Variants in FRK observed in about 807,000 individuals in gnomAD.
FRK encodes the protein fyn related Src family tyrosine kinase, also known as tyrosine-protein kinase FRK.
A neutral mutation model predicts 56.4 loss-of-function variants in FRK; 51 were observed. That is an observed-to-expected ratio of 0.90 (90% confidence interval 0.72 to 1.14). FRK has a LOEUF of 1.14. FRK is among the 50% of genes most tolerant of loss of function. FRK has a pLI of 0.00. For synonymous variants in FRK, 245 were observed against 217.9 expected (o/e 1.12, Z -1.10); for missense variants, 570 against 601.4 (o/e 0.95, Z 0.55).
At chr6:116,070,893 A>G in the FRK span, among the ~76,000 whole-genome samples, 1 of 152,154 alleles carries the variant, frequency 6.6e-6, no homozygotes, top group Non-Finnish European at 1.5e-5. Context: ...CTCTTGATAC[A>G]TAAGAAGTAT....
chr6:116,022,855 C>T lies in FRK; in HGVS notation c.345-18857G>A, dbSNP rs188850370. Among the ~76,000 whole-genome samples, 369 of 152,242 alleles carry T rather than the reference C, an allele frequency of 2.4e-3. 6 individuals carry two copies. Among genetic ancestry groups the T allele is most frequent in the Non-Finnish European group, 6.5e-4 (44 of 68,002 alleles). On this transcript the variant is annotated intron_variant, in intron 1 of 7. Coordinates refer to ENST00000606080, the MANE Select transcript of FRK (RefSeq NM_002031.3). ...AAGAATGTGACAGAATCTAGAGTAGCTACAACAATGTCCTATATCCAATCA... is the reference window on the plus strand; with the variant it reads ...AAGAATGTGACAGAATCTAGAGTAGTTACAACAATGTCCTATATCCAATCA...
At chr6:116,017,107 A>G (rs911460195) in intron 1 of FRK, among the ~76,000 whole-genome samples, 4 of 152,162 alleles carry the variant, frequency 2.6e-5, no homozygotes, top group African/African-American at 9.7e-5. Context: ...ATACATTACA[A>G]GCTTACTCCT....
the FRK span, among the ~76,000 whole-genome samples, chr6:116,097,986 G>GTT: frequency 2.7e-4 from 39 of 145,182 alleles, no homozygotes; most frequent in African/African-American, 9.6e-4. Context: ...ACCACACAAT[G>GTT]GGGTTTAGAC....
At chr6:116,016,114 C>T (rs1382452724) in intron 1 of FRK, among the ~76,000 whole-genome samples, 2 of 152,126 alleles carry the variant, frequency 1.3e-5, no homozygotes, top group Non-Finnish European at 2.9e-5. Context: ...TGCCAGAGAT[C>T]TTCATGGCAG....
At chr6:115,984,600 A>G (rs182969111) in intron 2 of FRK, among the ~76,000 whole-genome samples, 21 of 152,168 alleles carry the variant, frequency 1.4e-4, no homozygotes, top group East Asian at 7.7e-4. Context: ...TAATGAATCT[A>G]CAGAAGTAAG....
intron 4 of FRK, among the ~76,000 whole-genome samples, chr6:115,958,642 A>G (rs1381654463): frequency 8.7e-4 from 5 of 5,734 alleles, no homozygotes; most frequent in Non-Finnish European, 1.3e-3. Context: ...AAGGAAAGAA[A>G]GAAAAGAAAG....
intron 1 of FRK, among the ~76,000 whole-genome samples, chr6:116,058,511 T>C (rs1200538115): frequency 6.6e-6 from 1 of 152,182 alleles, no homozygotes; most frequent in East Asian, 1.9e-4. Context: ...ATTATTATCT[T>C]ATTCCCTGGA....
intron 1 of FRK, among the ~76,000 whole-genome samples, chr6:116,059,548 T>A (rs983552558): frequency 6.6e-6 from 1 of 152,186 alleles, no homozygotes; most frequent in Non-Finnish European, 1.5e-5. Context: ...TACCCTGGAA[T>A]GTTTCAAAAG....
intron 1 of FRK, among the ~76,000 whole-genome samples, chr6:116,030,557 G>C (rs1006251389): frequency 1.3e-5 from 2 of 151,984 alleles, no homozygotes; most frequent in Non-Finnish European, 2.9e-5. Context: ...CCATGAGGAG[G>C]GAAGAGCTGG....
At chr6:115,999,466 C>G (rs887196784) in intron 2 of FRK, among the ~76,000 whole-genome samples, 1 of 152,184 alleles carries the variant, frequency 6.6e-6, no homozygotes, top group Non-Finnish European at 1.5e-5. Context: ...TTAGCACCCA[C>G]CCAACCTTGG....
At chr6:115,994,016 G>A (rs1447376605) in intron 2 of FRK, among the ~76,000 whole-genome samples, 2 of 151,960 alleles carry the variant, frequency 1.3e-5, no homozygotes, top group East Asian at 1.9e-4. Context: ...CTATCTTCAC[G>A]TTATTGTCAT....
Position 115,968,747 on chromosome 6 carries a change from C to T in FRK, c.467-8G>A. ...CAACTGCTCCATCTAAAACTGGAAC[C>T]CAAAATAATTCCTGTTAATAAACTT... On this transcript the variant is annotated splice_region_variant and splice_polypyrimidine_tract_variant and intron_variant, in intron 2 of 7. Coordinates refer to ENST00000606080, the MANE Select transcript of FRK (RefSeq NM_002031.3). 1 of 1,606,950 alleles carries T rather than the reference C, an allele frequency of 6.2e-7. No homozygotes were observed.
In FRK at chr6:115,935,914, C is replaced by G. The variant is rs1772035599; in HGVS notation, c.*6500G>C. On this transcript the variant is annotated 3_prime_UTR_variant, in exon 8 of 8. Coordinates refer to ENST00000606080, the MANE Select transcript of FRK (RefSeq NM_002031.3). ...TGGGAAGGGGTGGATATGGGAGCAG[C>G]TTCAGCAGACTTAAATATCTCTGCC... 6.6e-6 allele frequency: 1 copy of G among 152,336 alleles called. No homozygotes were observed. The highest frequency in any genetic ancestry group is 6.5e-5 in the Admixed American group (1 of 15,280). The allele number at this position is 152,336 out of a possible 1,614,324, so 9.4% of individuals were successfully genotyped here. A position where few individuals can be genotyped will look rare whatever the true frequency, so the allele number is the denominator to read the frequency against.
intron 5 of FRK, among the ~76,000 whole-genome samples, chr6:115,947,668 C>T (rs971519563): frequency 2.0e-5 from 3 of 152,124 alleles, no homozygotes; most frequent in Admixed American, 2.0e-4. Context: ...AGCCACCTAG[C>T]AGAGCAGTCT....
chr6:115,999,842 C>G (rs1774987284), intron 2 of FRK, among the ~76,000 whole-genome samples: 1 of 152,158 alleles, frequency 6.6e-6, no homozygotes, highest in Non-Finnish European at 1.5e-5. Flanking sequence ...ATAGCCTTCC[C>G]TCTGGCTAAT....
chr6:115,931,861 G>C lies in FRK; in HGVS notation c.*10553C>G, dbSNP rs1039609521. The C allele has an allele frequency of 1.3e-5, 2 of 152,184 alleles. No homozygotes were observed. The highest frequency in any genetic ancestry group is 3.9e-4 in the East Asian group (2 of 5,190). The allele number at this position is 152,184 out of a possible 1,614,324, so 9.4% of individuals were successfully genotyped here. ...CACTTTTTCCCAACATACAACTTCT[G>C]GTTATTAGGTAATATGACTTGAATC... is the stretch of plus-strand genomic sequence containing the variant. On this transcript the variant is annotated 3_prime_UTR_variant, in exon 8 of 8. Coordinates refer to ENST00000606080, the MANE Select transcript of FRK (RefSeq NM_002031.3).
At chr6:116,044,344 C>T (rs1254373286) in intron 1 of FRK, among the ~76,000 whole-genome samples, 1 of 152,194 alleles carries the variant, frequency 6.6e-6, no homozygotes, top group Non-Finnish European at 1.5e-5. Flanking sequence ...CAATAAAATA[C>T]TGGCAAACTG....
chr6:116,064,221 T>C (rs903456664), upstream of FRK, among the ~76,000 whole-genome samples: 1 of 152,146 alleles, frequency 6.6e-6, no homozygotes, highest in African/African-American at 2.4e-5. Context: ...CCTTGTCATT[T>C]TTCTAGGTTG....
chr6:115,967,446 G>T, intron 4 of FRK, 105 bp downstream of exon 4: 1 of 1,085,818 alleles, frequency 9.2e-7, no homozygotes, highest in Non-Finnish European at 1.4e-6. Flanking sequence ...CACAACACCT[G>T]CTTGCTGCCA....
Sources: allele counts gnomAD v4.1 joint callset (sites outside exome capture counted in the v4.1 genomes callset), GRCh38; gene constraint gnomAD v4.1.1; transcripts MANE v1.5; gene names NCBI Gene and HGNC (gene_info 2026-07-23, HGNC 2026-07-21).